The following MAP3K8 variants were observed in gnomAD, a reference collection of about 807,000 sequenced individuals.
MAP3K8 encodes Ewing sarcoma transformant.
A neutral mutation model predicts 45.8 loss-of-function variants in MAP3K8; 22 were observed. The observed-to-expected ratio is 0.48, with a 90% CI of 0.34 to 0.69. The LOEUF (loss-of-function observed/expected upper bound fraction) is 0.69, where lower values mean the gene tolerates loss of function less well. Among genes scored for constraint, MAP3K8 ranks in the 30% least tolerant of loss-of-function variants. The pLI, the probability that MAP3K8 is intolerant of heterozygous loss-of-function variation, is 0.01. For synonymous variants in MAP3K8, 223 were observed against 214.3 expected, an observed-to-expected ratio of 1.04 and a Z score of -0.36; for missense variants, 419 against 585.0, an observed-to-expected ratio of 0.72 and a Z score of 2.93.
At position 30,458,127 on chromosome 10, in the gene MAP3K8, C is replaced by T; in HGVS notation, c.917C>T (p.Thr306Ile). ...PEVILCRGHS[T>I]KADIYSLGAT... ...GTCATCCTGTGCAGGGGCCATTCAA[C>T]CAAAGCAGACATCTACAGCCTGGGG... Residue 306 changes from threonine (T) to isoleucine (I), a missense_variant, in exon 7 of 9, where the codon ACC becomes ATC. Physicochemically the swap from Thr to Ile is moderately conservative, Grantham distance 89 (BLOSUM62 -1). Transcript: ENST00000263056. 6.3e-7 allele frequency: 1 copy of T among 1,592,472 alleles called. No homozygotes were observed.
rs942217106 is a variant in MAP3K8 at position 30,460,963 on chromosome 10, C to T, written c.*127C>T. ...GAAGGAGCAGTGTGACCTCCTGTGACCCGTGAATGTGCCTCCAAGCGGCCC... is the reference window on the plus strand; with the variant it reads ...GAAGGAGCAGTGTGACCTCCTGTGATCCGTGAATGTGCCTCCAAGCGGCCC... On this transcript the variant is annotated 3_prime_UTR_variant, in exon 9 of 9. Coordinates refer to ENST00000263056, the MANE Select transcript of MAP3K8 (RefSeq NM_005204.4). 28 of 1,231,174 alleles carry T rather than the reference C, an allele frequency of 2.3e-5. No homozygotes were observed. The highest frequency in any genetic ancestry group is 2.9e-5 in the Non-Finnish European group (26 of 899,030). 76.3% of individuals were successfully genotyped at this position (1,231,174 alleles called of 1,614,324 possible).
rs151108315 is a variant in MAP3K8, at chr10:30,450,267, G to C, written c.514G>C (p.Asp172His). The part of the protein sequence containing the change: ...KRMACKLIPV[D>H]QFKPSDVEIQ... ...TATTTTTGTGTTCTAGATCCCAGTAGATCAATTTAAGCCATCTGATGTGGA... is the reference window on the plus strand; with the variant it reads ...TATTTTTGTGTTCTAGATCCCAGTACATCAATTTAAGCCATCTGATGTGGA... The change falls in exon 5 of 9, where the codon GAT (aspartate) becomes CAT (histidine). Residue 172 changes from aspartate to histidine, a missense_variant. By Grantham distance (81) the Asp-to-His change is moderately conservative. Around this residue, in one of 3 missense-constraint regions of MAP3K8, gnomAD observed 209 missense variants for 367.3 expected, o/e 0.57. Transcript: ENST00000263056. 2.1e-5 allele frequency: 33 copies of C among 1,600,130 alleles called. No homozygotes were observed. In the South Asian group the frequency reaches 3.5e-4, roughly 17 times the overall value.
rs303446 is a variant in MAP3K8 at position 30,439,560 on chromosome 10, C to T, written c.336+286C>T. The T allele has an allele frequency of 0.53, 307,750 of 585,944 alleles. 86,622 individuals are homozygous for T. The highest frequency in any genetic ancestry group is 0.6 in the Non-Finnish European group (209,874 of 351,406). 36.3% of individuals were successfully genotyped at this position (585,944 alleles called of 1,614,324 possible). A position where few individuals can be genotyped will look rare whatever the true frequency, so the allele number is the denominator to read the frequency against. ...TGCAGGGGCTCACGCCTGTAATCCG[C>T]GCACTTGGAGAGGCCGAGGTGGGTG... On this transcript the variant is annotated intron_variant, in intron 3 of 8. Coordinates refer to ENST00000263056, the MANE Select transcript of MAP3K8 (RefSeq NM_005204.4).
chr10:30,461,696 CA>C lies in MAP3K8; in HGVS notation c.*861del, dbSNP rs1554775331. On this transcript the variant is annotated 3_prime_UTR_variant, in exon 9 of 9. Coordinates refer to ENST00000263056, the MANE Select transcript of MAP3K8 (RefSeq NM_005204.4). The stretch of plus-strand genomic sequence containing the variant: ...CAAATGCCTTCATGAATCTTTCATA[CA>C]TATATATATTTGTAACATTGTAAAG... 2 of 185,224 alleles carry C rather than the reference CA, an allele frequency of 1.1e-5. No individual in the cohort carries two copies. The highest frequency in any genetic ancestry group is 2.3e-5 in the Non-Finnish European group (2 of 87,676). 11.5% of individuals were successfully genotyped at this position (185,224 alleles called of 1,614,324 possible).
intron 4 of MAP3K8, 93 bp from the exon 5 acceptor site, chr10:30,450,165 A>T: frequency 8.1e-7 from 1 of 1,233,388 alleles, no homozygotes. Context: ...GAGGGCATTT[A>T]TTTGCCTTTT....
At chr10:30,447,328 A>T (rs1443988753) in intron 3 of MAP3K8, among the ~76,000 whole-genome samples, 2 of 152,220 alleles carry the variant, frequency 1.3e-5, no homozygotes, top group African/African-American at 2.4e-5. Context: ...AAAATCTTCC[A>T]TGATCATCAG....
At chr10:30,446,079 A>G (rs1220579318) in intron 3 of MAP3K8, among the ~76,000 whole-genome samples, 1 of 152,140 alleles carries the variant, frequency 6.6e-6, no homozygotes, top group African/African-American at 2.4e-5. Context: ...AAAAAATAGA[A>G]ATGGAGTCTC....
At chr10:30,445,082 A>C (rs1280818570) in intron 3 of MAP3K8, among the ~76,000 whole-genome samples, 1 of 152,222 alleles carries the variant, frequency 6.6e-6, no homozygotes, top group East Asian at 1.9e-4. Flanking sequence ...TCTTGGACAG[A>C]ATAAGAGGAC....
At chr10:30,435,446 G>T (rs1454323726) in intron 1 of MAP3K8, among the ~76,000 whole-genome samples, 2 of 152,174 alleles carry the variant, frequency 1.3e-5, no homozygotes, top group African/African-American at 4.8e-5. Flanking sequence ...CCTTCCATAC[G>T]CCTGAAACGC....
chr10:30,450,162 T>C lies in MAP3K8; in HGVS notation c.505-96T>C, dbSNP rs996830950. 8.4e-6 allele frequency: 10 copies of C among 1,187,388 alleles called. No homozygotes were observed. In the African/African-American group the frequency reaches 1.5e-4, roughly 18 times the overall value. 73.6% of individuals were successfully genotyped at this position (1,187,388 alleles called of 1,614,324 possible). ...ACAGGGCAGAGTATTCTTGAGGGCA[T>C]TTATTTGCCTTTTGTTTTTTGCATT... On this transcript the variant is annotated intron_variant, in intron 4 of 8. Transcript: ENST00000263056.
At chr10:30,450,615 A>T in intron 5 of MAP3K8, 96 bp downstream of exon 5, 3 of 1,131,718 alleles carry the variant, frequency 2.7e-6, no homozygotes, top group Non-Finnish European at 3.9e-6. Context: ...CCCTCCATGG[A>T]GGGTGGAAAG....
chr10:30,441,020 G>C (rs1301992691), intron 3 of MAP3K8, among the ~76,000 whole-genome samples: 1 of 152,128 alleles, frequency 6.6e-6, no homozygotes, highest in Non-Finnish European at 1.5e-5. Flanking sequence ...GACCAGAAAA[G>C]TTAATCCTAA....
chr10:30,460,474 T>G (rs1197473311), intron 8 of MAP3K8, among the ~76,000 whole-genome samples: 1 of 152,228 alleles, frequency 6.6e-6, no homozygotes, highest in African/African-American at 2.4e-5. Flanking sequence ...ATCTGGCTGT[T>G]GGAAAAATAT....
At chr10:30,445,300 G>A (rs1836280564) in intron 3 of MAP3K8, among the ~76,000 whole-genome samples, 1 of 152,204 alleles carries the variant, frequency 6.6e-6, no homozygotes, top group Admixed American at 6.5e-5. Flanking sequence ...GGGAGGCTGA[G>A]GCACAAGAAT....
chr10:30,442,564 G>C (rs971561218), intron 3 of MAP3K8, among the ~76,000 whole-genome samples: 1 of 152,218 alleles, frequency 6.6e-6, no homozygotes, highest in Non-Finnish European at 1.5e-5. Flanking sequence ...AATAATATTT[G>C]TTAAAGATCC....
At chr10:30,451,801 T>G (rs919792786) in intron 6 of MAP3K8, 57 bp downstream of exon 6, 15 of 956,358 alleles carry the variant, frequency 1.6e-5, no homozygotes, top group Non-Finnish European at 2.0e-5. Flanking sequence ...AAGGAAAAAA[T>G]GTTCTAGAAT....
intron 3 of MAP3K8, among the ~76,000 whole-genome samples, chr10:30,446,260 C>T (rs763291948): frequency 7.2e-5 from 11 of 152,062 alleles, no homozygotes; most frequent in Non-Finnish European, 1.5e-4. Flanking sequence ...CTGAGCCAGG[C>T]GCCGTGGCTC....
At chr10:30,436,658 A>G (rs1269184450) in intron 1 of MAP3K8, among the ~76,000 whole-genome samples, 1 of 151,940 alleles carries the variant, frequency 6.6e-6, no homozygotes, top group Non-Finnish European at 1.5e-5. Flanking sequence ...CAATTAAAAA[A>G]ATAAAAGAAT....
At position 30,461,420 on chromosome 10, in the gene MAP3K8, C is replaced by T; in HGVS notation, c.*584C>T. The T allele has an allele frequency of 9.8e-6, 2 of 203,670 alleles. No homozygotes were observed. Among genetic ancestry groups the T allele is most frequent in the Non-Finnish European group, 2.0e-5 (2 of 99,016 alleles). 12.6% of individuals were successfully genotyped at this position (203,670 alleles called of 1,614,324 possible). Reference sequence around the variant, plus strand: ...CCATCTGACAGCAGGCCACTAGTGACAGTTTCTTTTGTGTTCCTATGGAAA... The same window carrying T: ...CCATCTGACAGCAGGCCACTAGTGATAGTTTCTTTTGTGTTCCTATGGAAA... On this transcript the variant is annotated 3_prime_UTR_variant, in exon 9 of 9. Transcript: ENST00000263056.
Sources: allele counts gnomAD v4.1 joint callset (sites outside exome capture counted in the v4.1 genomes callset), GRCh38; gene constraint gnomAD v4.1.1; regional missense constraint gnomAD v4.1.1; transcripts MANE v1.5; gene names NCBI Gene and HGNC (gene_info 2026-07-23, HGNC 2026-07-21).